The following UNC13C variants were observed in gnomAD, a reference collection of about 807,000 sequenced individuals.
The protein encoded by UNC13C is protein unc-13 homolog C.
UNC13C carries 174 observed loss-of-function variants against 245.4 expected under a neutral mutation model. The ratio of observed to expected loss-of-function variants is 0.71; its 90% CI spans 0.63 to 0.80. The LOEUF (loss-of-function observed/expected upper bound fraction) is 0.80. Among genes scored for constraint, UNC13C ranks in the 30% least tolerant of loss-of-function variants. The pLI, the probability that UNC13C is intolerant of heterozygous loss-of-function variation, is 0.00. For missense variants in UNC13C, 2,829 were observed against 2,602.9 expected (o/e 1.09, Z -1.89); for synonymous variants, 992 against 895.1 (o/e 1.11, Z -1.93).
intron 17 of UNC13C, among the ~76,000 whole-genome samples, chr15:54,368,811 A>G (rs1236596913): frequency 6.6e-6 from 1 of 152,168 alleles, no homozygotes; most frequent in Non-Finnish European, 1.5e-5. Flanking sequence ...ATAAATGTCT[A>G]TCATGACTAC....
intron 1 of UNC13C, among the ~76,000 whole-genome samples, chr15:53,993,367 G>C (rs1171364869): frequency 2.6e-5 from 4 of 152,124 alleles, no homozygotes; most frequent in Non-Finnish European, 4.4e-5. Context: ...AGAAGAGAGA[G>C]AATGAGCACT....
At chr15:54,599,439 T>A (rs949627581) in intron 30 of UNC13C, among the ~76,000 whole-genome samples, 3 of 152,054 alleles carry the variant, frequency 2.0e-5, no homozygotes, top group Non-Finnish European at 4.4e-5. Context: ...TCTCTATTTC[T>A]TCAGTATCTG....
intron 7 of UNC13C, among the ~76,000 whole-genome samples, chr15:54,243,943 T>C (rs1329343595): frequency 6.6e-6 from 1 of 152,226 alleles, no homozygotes; most frequent in Non-Finnish European, 1.5e-5. Flanking sequence ...TTCACTCTTA[T>C]TTTAGTTTCT....
At chr15:54,605,855 T>A (rs949816561) in intron 30 of UNC13C, among the ~76,000 whole-genome samples, 10 of 152,200 alleles carry the variant, frequency 6.6e-5, no homozygotes, top group African/African-American at 2.4e-4. Context: ...CGTATAAACA[T>A]CATTCATGGA....
intron 2 of UNC13C, among the ~76,000 whole-genome samples, chr15:54,086,853 A>G (rs1201173904): frequency 6.8e-6 from 1 of 146,434 alleles, no homozygotes; most frequent in Non-Finnish European, 1.5e-5. Context: ...CTCCTGCCTC[A>G]GCCTCCAGAG....
chr15:54,561,627 A>T (rs963327229), intron 29 of UNC13C, among the ~76,000 whole-genome samples: 2 of 152,120 alleles, frequency 1.3e-5, no homozygotes, highest in Admixed American at 1.3e-4. Flanking sequence ...AGCAGTGTAA[A>T]ATGAGGTTGA....
chr15:54,158,663 C>CT (rs1259326888), intron 4 of UNC13C, among the ~76,000 whole-genome samples: 1 of 150,888 alleles, frequency 6.6e-6, no homozygotes, highest in African/African-American at 2.4e-5. Context: ...TTTTTTTAAA[C>CT]TTTTTAGAAA....
At chr15:54,107,019 T>A (rs1321045667) in intron 2 of UNC13C, among the ~76,000 whole-genome samples, 2 of 152,230 alleles carry the variant, frequency 1.3e-5, no homozygotes, top group East Asian at 3.8e-4. Flanking sequence ...CAAATTAGTT[T>A]GTTTCATAGG....
chr15:54,011,185 C>T (rs372380771), intron 1 of UNC13C, among the ~76,000 whole-genome samples: 27 of 152,044 alleles, frequency 1.8e-4, no homozygotes, highest in Non-Finnish European at 1.5e-4. Context: ...GGTTGGAATA[C>T]GAGCAAGTGA....
At chr15:54,456,222 A>G (rs1891515959) in intron 19 of UNC13C, among the ~76,000 whole-genome samples, 1 of 152,162 alleles carries the variant, frequency 6.6e-6, no homozygotes, top group Admixed American at 6.5e-5. Context: ...CCTGTTTTTC[A>G]TACCAATATC....
At chr15:54,412,364 A>G (rs1252131472) in intron 18 of UNC13C, among the ~76,000 whole-genome samples, 1 of 152,136 alleles carries the variant, frequency 6.6e-6, no homozygotes, top group Non-Finnish European at 1.5e-5. Context: ...AGGAGGAGAG[A>G]GGCAAGAGCA....
At chr15:53,991,664 T>C (rs1314010399) in intron 1 of UNC13C, among the ~76,000 whole-genome samples, 3 of 152,162 alleles carry the variant, frequency 2.0e-5, no homozygotes, top group African/African-American at 7.2e-5. Context: ...CTCTAGGAAC[T>C]GCATTCTATT....
chr15:54,382,984 A>G (rs564185380), intron 17 of UNC13C, among the ~76,000 whole-genome samples: 1 of 152,324 alleles, frequency 6.6e-6, no homozygotes, highest in Admixed American at 6.5e-5. Context: ...CAACTTACCA[A>G]GATTCAATGA....
intron 4 of UNC13C, among the ~76,000 whole-genome samples, chr15:54,154,586 T>G (rs12899222): frequency 0.27 from 40,770 of 152,048 alleles, 5,548 homozygotes; most frequent in South Asian, 0.35. Context: ...AAATGTTATT[T>G]CTCATCCATG....
chr15:54,333,840 C>A lies in UNC13C; in HGVS notation c.4568C>A (p.Thr1523Asn). Residue 1523 changes from threonine to asparagine, a missense_variant, in exon 16 of 33, where the codon ACC becomes AAC. Physicochemically the swap from Thr to Asn is moderately conservative, Grantham distance 65. Coordinates refer to ENST00000260323, the MANE Select transcript of UNC13C (RefSeq NM_001080534.3). Reference sequence around the variant, plus strand: ...ACTGTTGACCTGTTAACAAGTATCACCTTTTTTAGGATGAAGGTATCTCAT... The same window carrying A: ...ACTGTTGACCTGTTAACAAGTATCAACTTTTTTAGGATGAAGGTATCTCAT... Reference protein sequence around the residue: ...KSTVDLLTSITFFRMKVLELQ... With the variant: ...KSTVDLLTSINFFRMKVLELQ... 6.2e-7 allele frequency: 1 copy of A among 1,602,526 alleles called. No homozygotes were observed. Among genetic ancestry groups the A allele is most frequent in the Non-Finnish European group, 8.5e-7 (1 of 1,173,562 alleles).
intron 8 of UNC13C, among the ~76,000 whole-genome samples, chr15:54,256,708 T>C (rs1381513838): frequency 6.6e-6 from 1 of 152,168 alleles, no homozygotes. Flanking sequence ...ACAATAAAGA[T>C]AGAGTTTGGT....
intron 18 of UNC13C, among the ~76,000 whole-genome samples, chr15:54,413,211 G>T (rs1380284998): frequency 6.6e-6 from 1 of 151,880 alleles, no homozygotes; most frequent in African/African-American, 2.4e-5. Context: ...GTTTATAAGA[G>T]ATATTCTTTA....
At chr15:53,878,114 T>C in the UNC13C span, among the ~76,000 whole-genome samples, 4,479 of 152,252 alleles carry the variant, frequency 0.029, 103 homozygotes, top group Non-Finnish European at 0.042. Context: ...ATGGTTTGTC[T>C]CATTTGTCTT....
chr15:53,961,290 TG>T, the UNC13C span, among the ~76,000 whole-genome samples: 1 of 152,256 alleles, frequency 6.6e-6, no homozygotes, highest in African/African-American at 2.4e-5. Context: ...ATTCCTTTGC[TG>T]GGGGACTCTG....
Sources: gnomAD v4.1 joint callset for allele counts (sites outside exome capture counted in the v4.1 genomes callset) on GRCh38, gnomAD v4.1.1 for gene constraint, MANE v1.5 for transcripts, NCBI Gene and HGNC (gene_info 2026-07-23, HGNC 2026-07-21) for gene names.